Variants in EPHB1 observed in about 807,000 individuals in gnomAD.
EPHB1 encodes the protein EPH receptor B1.
Under a neutral mutation model 94.4 loss-of-function variants are expected in EPHB1, and 30 were observed. The ratio of observed to expected loss-of-function variants is 0.32; its 90% CI spans 0.24 to 0.43. EPHB1 has a LOEUF of 0.43. EPHB1 is among the 20% of genes least tolerant of loss of function. The pLI, the probability that EPHB1 is intolerant of heterozygous loss-of-function variation, is 1.00. For missense variants in EPHB1, 1,055 were observed against 1,308.3 expected (o/e 0.81, Z 2.99); for synonymous variants, 522 against 489.1 (o/e 1.07, Z -0.89).
chr3:134,915,561 C>T (rs2038548189), intron 1 of EPHB1, among the ~76,000 whole-genome samples: 1 of 152,158 alleles, frequency 6.6e-6, no homozygotes, highest in East Asian at 1.9e-4. Context: ...AAGCCACGGA[C>T]CCTTGTGGTG....
At chr3:135,041,537 T>C (rs1936843469) in intron 3 of EPHB1, among the ~76,000 whole-genome samples, 1 of 152,168 alleles carries the variant, frequency 6.6e-6, no homozygotes, top group Non-Finnish European at 1.5e-5. Context: ...AAAAGGAAGG[T>C]CCAGACTGCT....
chr3:135,229,579 C>A (rs1197291465), intron 12 of EPHB1, among the ~76,000 whole-genome samples: 1 of 152,056 alleles, frequency 6.6e-6, no homozygotes, highest in Non-Finnish European at 1.5e-5. Flanking sequence ...AGCTGCTTAC[C>A]CCACATGAAG....
chr3:135,140,443 T>C (rs1940780378), intron 5 of EPHB1, among the ~76,000 whole-genome samples: 1 of 152,234 alleles, frequency 6.6e-6, no homozygotes, highest in Non-Finnish European at 1.5e-5. Context: ...GTTCATTGAA[T>C]GAACTAGTAA....
At chr3:134,957,203 G>A (rs1347532254) in intron 3 of EPHB1, among the ~76,000 whole-genome samples, 1 of 152,136 alleles carries the variant, frequency 6.6e-6, no homozygotes, top group Non-Finnish European at 1.5e-5. Context: ...GACATCCCCA[G>A]TTGCCTCCTT....
At chr3:135,049,926 C>G (rs963143272) in intron 3 of EPHB1, among the ~76,000 whole-genome samples, 7 of 152,146 alleles carry the variant, frequency 4.6e-5, no homozygotes, top group African/African-American at 1.7e-4. Flanking sequence ...GCTGGCTGGT[C>G]CCTGATGTTG....
At chr3:135,037,264 G>A (rs902702258) in intron 3 of EPHB1, among the ~76,000 whole-genome samples, 1 of 152,218 alleles carries the variant, frequency 6.6e-6, no homozygotes, top group African/African-American at 2.4e-5. Flanking sequence ...ATCTCCAAGA[G>A]ACAGGAAGAA....
chr3:135,143,323 G>A (rs1262243379), intron 5 of EPHB1, among the ~76,000 whole-genome samples: 1 of 152,130 alleles, frequency 6.6e-6, no homozygotes, highest in Non-Finnish European at 1.5e-5. Context: ...AGGAGGAGGG[G>A]CTCTGGACCT....
chr3:134,832,599 AC>A (rs1438748714), intron 1 of EPHB1, among the ~76,000 whole-genome samples: 1 of 152,184 alleles, frequency 6.6e-6, no homozygotes, highest in Non-Finnish European at 1.5e-5. Flanking sequence ...AACCTTAAAT[AC>A]CTGTATTTTT....
chr3:134,898,375 T>G (rs2038128061), intron 1 of EPHB1, among the ~76,000 whole-genome samples: 1 of 152,132 alleles, frequency 6.6e-6, no homozygotes, highest in African/African-American at 2.4e-5. Context: ...GTGTAGGATT[T>G]CCAGCCCAGT....
intron 3 of EPHB1, among the ~76,000 whole-genome samples, chr3:135,027,903 C>G (rs199514858): frequency 0.055 from 5,947 of 108,662 alleles, 308 homozygotes; most frequent in East Asian, 0.29. Flanking sequence ...AACTTCAGAT[C>G]CTGTTATTGG....
At chr3:135,117,597 T>C (rs1939768460) in intron 4 of EPHB1, among the ~76,000 whole-genome samples, 1 of 152,234 alleles carries the variant, frequency 6.6e-6, no homozygotes, top group African/African-American at 2.4e-5. Flanking sequence ...GGGTGGCTTG[T>C]CTTCAAGAGG....
intron 1 of EPHB1, among the ~76,000 whole-genome samples, chr3:134,862,230 G>A (rs1023437623): frequency 3.3e-5 from 5 of 152,178 alleles, no homozygotes; most frequent in Admixed American, 1.3e-4. Context: ...GCAGCTCTTT[G>A]GAGGCAGGAA....
At chr3:134,874,877 G>A (rs759469592) in intron 1 of EPHB1, among the ~76,000 whole-genome samples, 15 of 152,230 alleles carry the variant, frequency 9.9e-5, no homozygotes, top group Admixed American at 2.0e-4. Context: ...TGCAGTCATT[G>A]CTAAGCCCTC....
intron 3 of EPHB1, among the ~76,000 whole-genome samples, chr3:135,038,906 C>A (rs1157948685): frequency 6.6e-6 from 1 of 152,182 alleles, no homozygotes; most frequent in Non-Finnish European, 1.5e-5. Context: ...TGGCCCCACC[C>A]ACATCCTGCT....
chr3:135,236,989 A>G (rs368561671), intron 12 of EPHB1, among the ~76,000 whole-genome samples: 14 of 152,332 alleles, frequency 9.2e-5, no homozygotes, highest in African/African-American at 2.9e-4. Context: ...GTGGCAAGAC[A>G]GTGTGCTGGC....
At chr3:135,020,045 C>T (rs1335673751) in intron 3 of EPHB1, among the ~76,000 whole-genome samples, 2 of 152,230 alleles carry the variant, frequency 1.3e-5, no homozygotes, top group African/African-American at 4.8e-5. Flanking sequence ...TTGAGCATTA[C>T]TGCTTCTTAA....
chr3:134,896,074 G>C (rs1578178098), intron 1 of EPHB1, among the ~76,000 whole-genome samples: 1 of 152,086 alleles, frequency 6.6e-6, no homozygotes, highest in Non-Finnish European at 1.5e-5. Context: ...GCCTTCCTAG[G>C]ATCAATGGGG....
chr3:134,952,689 A>C (rs978685886), intron 3 of EPHB1, among the ~76,000 whole-genome samples: 10 of 152,144 alleles, frequency 6.6e-5, no homozygotes, highest in South Asian at 2.1e-4. Context: ...GTGTTGTATT[A>C]ACTTTTGCTT....
rs1172176411 is a variant in EPHB1, at chr3:134,821,738, G to A, written c.58+26049G>A. Among the ~76,000 whole-genome samples, 46 of 152,180 alleles carry A rather than the reference G, an allele frequency of 3.0e-4. 1 individual carries two copies. Reference sequence around the variant, plus strand: ...CCTATGTCTTTCTCTGCTGATTCTTGGGTGTGAAAAGATCTAATACAAACA... The same window carrying A: ...CCTATGTCTTTCTCTGCTGATTCTTAGGTGTGAAAAGATCTAATACAAACA... On this transcript the variant is annotated intron_variant, in intron 1 of 15. Coordinates refer to ENST00000398015, the MANE Select transcript of EPHB1 (RefSeq NM_004441.5).
Sources: allele counts gnomAD v4.1 joint callset (sites outside exome capture counted in the v4.1 genomes callset), GRCh38; gene constraint gnomAD v4.1.1; transcripts MANE v1.5; gene names NCBI Gene and HGNC (gene_info 2026-07-23, HGNC 2026-07-21).